Variants in ABR observed in about 807,000 individuals in gnomAD.
ABR encodes the protein active breakpoint cluster region-related protein.
Under a neutral mutation model 107.2 loss-of-function variants are expected in ABR, and 35 were observed. The observed-to-expected ratio is 0.33, with a 90% CI of 0.25 to 0.43. ABR has a LOEUF of 0.43. ABR is among the 20% of genes least tolerant of loss of function. The pLI is 1.00. For synonymous variants in ABR, 498 were observed against 462.0 expected, an observed-to-expected ratio of 1.08 and a Z score of -1.00; for missense variants, 815 against 1,115.2, an observed-to-expected ratio of 0.73 and a Z score of 3.83.
chr17:1,122,780 C>A (rs373498846), intron 2 of ABR, among the ~76,000 whole-genome samples: 4 of 152,202 alleles, frequency 2.6e-5, no homozygotes, highest in African/African-American at 9.7e-5. Context: ...ATAACGCACA[C>A]ACCCTGTTGG....
chr17:1,024,048 A>AAAAAAAAAAAAAAAAAAAC (rs1567596985), intron 16 of ABR, among the ~76,000 whole-genome samples: 2 of 148,492 alleles, frequency 1.3e-5, no homozygotes, highest in African/African-American at 2.5e-5. Flanking sequence ...AAAAAAAAAA[A>AAAAAAAAAAAAAAAAAAAC]AGCAGCATCA....
chr17:1,099,485 G>A (rs1241490339), intron 3 of ABR, among the ~76,000 whole-genome samples: 1 of 152,154 alleles, frequency 6.6e-6, no homozygotes, highest in African/African-American at 2.4e-5. Flanking sequence ...GTCATGGCAA[G>A]TACTTAAATG....
At chr17:1,212,906 G>C (rs1285057313) in intron 1 of ABR, among the ~76,000 whole-genome samples, 1 of 151,806 alleles carries the variant, frequency 6.6e-6, no homozygotes, top group African/African-American at 2.4e-5. Context: ...AAAAGAGAGA[G>C]AGAGATAAAG....
intron 3 of ABR, among the ~76,000 whole-genome samples, chr17:1,097,012 ACCTGCGCCAGGCATATCAGGAAGGGGGCC>A (rs1178559928): frequency 1.3e-5 from 2 of 152,012 alleles, no homozygotes; most frequent in Non-Finnish European, 2.9e-5. Context: ...GAAGGGGGGA[ACCTGCGCCAGGCATATCAGGAAGGGGGCC>A]CCTGCCCCAC....
At chr17:1,077,361 A>G (rs2035817957) in intron 6 of ABR, among the ~76,000 whole-genome samples, 1 of 152,158 alleles carries the variant, frequency 6.6e-6, no homozygotes, top group Admixed American at 6.5e-5. Flanking sequence ...GGTCCGTTTC[A>G]CTGAGTCGAA....
chr17:1,109,876 G>T (rs1161699196), intron 2 of ABR, among the ~76,000 whole-genome samples: 1 of 69,564 alleles, frequency 1.4e-5, no homozygotes, highest in Non-Finnish European at 2.8e-5. Flanking sequence ...CCTCCGAGCA[G>T]TCCCCCCACT....
chr17:1,025,531 G>A (rs1002135624), intron 16 of ABR, among the ~76,000 whole-genome samples: 1 of 152,076 alleles, frequency 6.6e-6, no homozygotes, highest in African/African-American at 2.4e-5. Context: ...TCGCCTGGCC[G>A]CCGTCCCCTG....
upstream of ABR, among the ~76,000 whole-genome samples, chr17:1,183,183 T>A (rs1238371263): frequency 6.6e-6 from 1 of 152,128 alleles, no homozygotes; most frequent in Non-Finnish European, 1.5e-5. Flanking sequence ...CAGCTAAATG[T>A]GGACCGGGTG....
intron 1 of ABR, among the ~76,000 whole-genome samples, chr17:1,152,295 A>G (rs912268844): frequency 4.6e-5 from 7 of 151,350 alleles, no homozygotes; most frequent in African/African-American, 1.7e-4. Flanking sequence ...AAAAAAAAAA[A>G]AAAAGACAGG....
At chr17:1,205,258 A>G (rs936253804) in intron 1 of ABR, among the ~76,000 whole-genome samples, 32 of 152,140 alleles carry the variant, frequency 2.1e-4, no homozygotes, top group African/African-American at 7.7e-4. Flanking sequence ...ACATTACCCA[A>G]TATTCTTAAG....
chr17:1,121,930 T>C (rs2039374958), intron 2 of ABR, among the ~76,000 whole-genome samples: 1 of 152,246 alleles, frequency 6.6e-6, no homozygotes, highest in South Asian at 2.1e-4. Flanking sequence ...TGAGATGGAG[T>C]CTCGCTTTGT....
At chr17:1,128,315 G>A (rs2039685209) in intron 1 of ABR, among the ~76,000 whole-genome samples, 1 of 152,362 alleles carries the variant, frequency 6.6e-6, no homozygotes, top group South Asian at 2.1e-4. Context: ...GACGGCCACA[G>A]GTGGGTATGC....
At position 1,073,678 on chromosome 17, in the gene ABR, C is replaced by A; in HGVS notation, c.701-1G>T. ...CGGTCAATGGGCTTGTAGAGCAGAG[C>A]TGTCGGGGGAGACAGGGAGAAGGAG... is the stretch of plus-strand genomic sequence containing the variant. On this transcript the variant is annotated splice_acceptor_variant, in intron 6 of 22. Transcript: ENST00000302538. LOFTEE classifies it high-confidence loss of function. 1 of 1,604,412 alleles carries A rather than the reference C, an allele frequency of 6.2e-7. No homozygotes were observed. The highest frequency in any genetic ancestry group is 8.5e-7 in the Non-Finnish European group (1 of 1,174,142).
At chr17:1,028,043 G>C (rs192471243) in intron 16 of ABR, among the ~76,000 whole-genome samples, 1 of 152,126 alleles carries the variant, frequency 6.6e-6, no homozygotes, top group Non-Finnish European at 1.5e-5. Context: ...GCTCTGTGAG[G>C]GGTGGGGTTG....
At chr17:1,061,219 AG>A (rs1049894033) in intron 10 of ABR, among the ~76,000 whole-genome samples, 133 of 151,354 alleles carry the variant, frequency 8.8e-4, no homozygotes, top group African/African-American at 3.0e-3. Flanking sequence ...ACTGGGCACA[AG>A]GCCACGTCTG....
intron 21 of ABR, 68 bp downstream of exon 21, chr17:1,009,611 G>C: frequency 6.9e-7 from 1 of 1,445,140 alleles, no homozygotes; most frequent in Admixed American, 1.7e-5. Flanking sequence ...GGTGGGGTTG[G>C]GGCCCCTCCC....
chr17:1,031,778 G>A (rs2072797224), intron 16 of ABR: 2 of 1,229,234 alleles, frequency 1.6e-6, no homozygotes, highest in Non-Finnish European at 2.0e-6. Context: ...GAGAGAAGGC[G>A]CCTGTGGAGC....
chr17:1,089,322 C>T (rs1039997535), intron 4 of ABR, among the ~76,000 whole-genome samples: 2 of 152,214 alleles, frequency 1.3e-5, no homozygotes, highest in African/African-American at 4.8e-5. Context: ...GCGTCAGCCA[C>T]CACACTCAGC....
At chr17:1,152,545 C>G (rs968398036) in intron 1 of ABR, among the ~76,000 whole-genome samples, 1 of 151,498 alleles carries the variant, frequency 6.6e-6, no homozygotes, top group African/African-American at 2.4e-5. Flanking sequence ...GAGCCGAGAT[C>G]GCGCCACTGC....
Sources: allele counts gnomAD v4.1 joint callset (sites outside exome capture counted in the v4.1 genomes callset), GRCh38; gene constraint gnomAD v4.1.1; transcripts MANE v1.5; gene names NCBI Gene and HGNC (gene_info 2026-07-23, HGNC 2026-07-21).